FGGY: variants seen among roughly 807,000 people sequenced by gnomAD.
The protein encoded by FGGY is FGGY carbohydrate kinase domain containing, also known as FGGY carbohydrate kinase domain-containing protein.
FGGY carries 72 observed loss-of-function variants against 71.3 expected under a neutral mutation model. The observed-to-expected ratio is 1.01, with a 90% CI of 0.84 to 1.23. The LOEUF is 1.23. Among genes scored for constraint, FGGY ranks in the 50% most tolerant of loss-of-function variants. The pLI is 0.00. For missense variants in FGGY, 668 were observed against 682.3 expected (o/e 0.98, Z 0.23); for synonymous variants, 251 against 250.3 (o/e 1.00, Z -0.02).
Position 59,512,346 on chromosome 1 carries a change from A to G in FGGY, c.706A>G (p.Asn236Asp). The change falls in exon 7 of 16, where the codon AAT (asparagine) becomes GAT (aspartate). Residue 236 changes from asparagine to aspartate, a missense_variant. Physicochemically the swap from Asn to Asp is conservative, Grantham distance 23 (BLOSUM62 1). Around this residue, in one of 2 missense-constraint regions of FGGY, gnomAD observed 661 missense variants for 661.6 expected, o/e 1.00. Coordinates refer to ENST00000303721, the MANE Select transcript of FGGY (RefSeq NM_018291.5). The stretch of plus-strand genomic sequence containing the variant: ...GCTACCTCCTGGAGCTTCTCTTGGA[A>G]ATGGGCTCACACCAGAGGCAGCAAG... ...QVLPPGASLGNGLTPEAARDL... is the reference protein window; with the variant it reads ...QVLPPGASLGDGLTPEAARDL... 1 of 1,612,512 alleles carries G rather than the reference A, an allele frequency of 6.2e-7. No individual in the cohort carries two copies. Among genetic ancestry groups the G allele is most frequent in the Non-Finnish European group, 8.5e-7 (1 of 1,179,062 alleles).
intron 5 of FGGY, among the ~76,000 whole-genome samples, chr1:59,400,903 C>T (rs2061879849): frequency 6.6e-6 from 1 of 152,008 alleles, no homozygotes. Flanking sequence ...TCTCAGAGTG[C>T]TTGGGATTAA....
chr1:59,531,390 A>AT (rs995856335), intron 7 of FGGY, among the ~76,000 whole-genome samples: 7 of 151,598 alleles, frequency 4.6e-5, no homozygotes, highest in Admixed American at 6.6e-5. Context: ...CATTTATTGA[A>AT]TTTTTTTTTC....
At chr1:59,507,684 A>ATT (rs561953004) in intron 6 of FGGY, among the ~76,000 whole-genome samples, 1,324 of 106,890 alleles carry the variant, frequency 0.012, 17 homozygotes, top group East Asian at 0.015. Context: ...TGCTTGGCTA[A>ATT]TTTTTTTTTT....
intron 6 of FGGY, among the ~76,000 whole-genome samples, chr1:59,479,273 G>A (rs977580033): frequency 2.0e-5 from 3 of 152,158 alleles, no homozygotes; most frequent in Non-Finnish European, 4.4e-5. Context: ...CAGAGTGTGG[G>A]GGGAGAGAGA....
chr1:59,346,451 T>C, intron 4 of FGGY, 53 bp downstream of exon 4: 1 of 1,593,482 alleles, frequency 6.3e-7, no homozygotes, highest in East Asian at 2.3e-5. Context: ...GGATTCCTGT[T>C]ACTGTGGACC....
At chr1:59,448,143 C>T (rs2071754116) in intron 5 of FGGY, among the ~76,000 whole-genome samples, 1 of 151,922 alleles carries the variant, frequency 6.6e-6, no homozygotes, top group African/African-American at 2.4e-5. Context: ...TTACTACTAC[C>T]ATGGTTTTTG....
intron 5 of FGGY, among the ~76,000 whole-genome samples, chr1:59,412,062 C>T (rs2063683938): frequency 6.6e-6 from 1 of 152,172 alleles, no homozygotes; most frequent in African/African-American, 2.4e-5. Flanking sequence ...CATCTCTTGG[C>T]CCCATATCAG....
intron 6 of FGGY, among the ~76,000 whole-genome samples, chr1:59,473,574 CAG>C (rs1334687881): frequency 6.6e-6 from 1 of 152,144 alleles, no homozygotes; most frequent in Non-Finnish European, 1.5e-5. Flanking sequence ...TGGAAGAGTG[CAG>C]AGTGTGTGTG....
At chr1:59,371,718 A>G (rs891452221) in intron 4 of FGGY, among the ~76,000 whole-genome samples, 14 of 152,222 alleles carry the variant, frequency 9.2e-5, no homozygotes, top group Non-Finnish European at 2.1e-4. Context: ...CTCTCAGACC[A>G]CAGTGCAATC....
chr1:59,672,082 T>C (rs1050363966), intron 13 of FGGY, among the ~76,000 whole-genome samples: 9 of 152,268 alleles, frequency 5.9e-5, no homozygotes, highest in African/African-American at 2.2e-4. Flanking sequence ...GGCTTGATGG[T>C]CATAGTCGCA....
chr1:59,601,936 A>C (rs1297863730), intron 8 of FGGY, among the ~76,000 whole-genome samples: 2 of 152,194 alleles, frequency 1.3e-5, no homozygotes, highest in Non-Finnish European at 2.9e-5. Context: ...TACTAGGGGT[A>C]CTACCAACAG....
At chr1:59,577,280 G>T (rs1259009579) in intron 8 of FGGY, among the ~76,000 whole-genome samples, 1 of 152,128 alleles carries the variant, frequency 6.6e-6, no homozygotes, top group Non-Finnish European at 1.5e-5. Flanking sequence ...GGTTAAAGAT[G>T]ATTTAATCAG....
At chr1:59,461,532 G>A (rs1342112323) in intron 6 of FGGY, among the ~76,000 whole-genome samples, 1 of 152,000 alleles carries the variant, frequency 6.6e-6, no homozygotes, top group African/African-American at 2.4e-5. Flanking sequence ...CCTAACCTAG[G>A]AAGGCCAACA....
chr1:59,400,212 A>G (rs1299349788), intron 5 of FGGY, among the ~76,000 whole-genome samples: 1 of 152,230 alleles, frequency 6.6e-6, no homozygotes, highest in African/African-American at 2.4e-5. Context: ...GCTGCAGGCC[A>G]CTGCCCCATT....
At chr1:59,532,449 AT>A (rs1344272478) in intron 7 of FGGY, among the ~76,000 whole-genome samples, 1 of 152,198 alleles carries the variant, frequency 6.6e-6, no homozygotes, top group African/African-American at 2.4e-5. Context: ...TAGAAGCTAT[AT>A]TTGAAGAGAT....
intron 4 of FGGY, among the ~76,000 whole-genome samples, chr1:59,378,346 G>A (rs1023535460): frequency 7.3e-5 from 11 of 151,590 alleles, no homozygotes; most frequent in African/African-American, 2.7e-4. Context: ...CCTTTCTCTG[G>A]GCTCTCATTT....
In FGGY at chr1:59,452,235, T is replaced by G. The variant is rs532587667; in HGVS notation, c.555-4726T>G. On this transcript the variant is annotated intron_variant, in intron 5 of 15. Transcript: ENST00000303721. ...CTCTTTGTATCTTTGCTACTTGTAG[T>G]AGCAAAGTGGGAGAGATGGTGAAAT... Among the ~76,000 whole-genome samples the G allele has an allele frequency of 2.0e-5, 3 of 152,278 alleles. No individual in the cohort carries two copies. In the South Asian group the frequency reaches 6.2e-4, roughly 32 times the overall value.
At chr1:59,664,159 C>T (rs958114013) in intron 12 of FGGY, among the ~76,000 whole-genome samples, 1 of 152,200 alleles carries the variant, frequency 6.6e-6, no homozygotes. Flanking sequence ...TCTTGATTTG[C>T]ATTCGGTTCT....
chr1:59,483,882 G>GA (rs897466209), intron 6 of FGGY, among the ~76,000 whole-genome samples: 6 of 151,506 alleles, frequency 4.0e-5, no homozygotes, highest in African/African-American at 9.7e-5. Flanking sequence ...TTGGCTTCTT[G>GA]AAAAAAAATA....
Sources: gnomAD v4.1 joint callset for allele counts (sites outside exome capture counted in the v4.1 genomes callset) on GRCh38, gnomAD v4.1.1 for gene constraint, gnomAD v4.1.1 regional missense constraint, MANE v1.5 for transcripts, NCBI Gene and HGNC (gene_info 2026-07-23, HGNC 2026-07-21) for gene names.